The following PARP14 variants were observed in gnomAD, a reference collection of about 807,000 sequenced individuals.
PARP14 encodes poly(ADP-ribose) polymerase family member 14, also known as protein mono-ADP-ribosyltransferase PARP14.
Under a neutral mutation model 154.2 loss-of-function variants are expected in PARP14, and 59 were observed. That is an observed-to-expected ratio of 0.38 (90% CI 0.31 to 0.48). The LOEUF (loss-of-function observed/expected upper bound fraction) is 0.48. Ranked by LOEUF, PARP14 falls within the 20% of genes least tolerant of loss-of-function variation. The pLI is 0.98. For missense variants in PARP14, 1,734 were observed against 2,131.6 expected (o/e 0.81, Z 3.67); for synonymous variants, 720 against 780.5 (o/e 0.92, Z 1.29).
chr3:122,725,730 C>G (rs184632051), intron 15 of PARP14, among the ~76,000 whole-genome samples: 1 of 152,162 alleles, frequency 6.6e-6, no homozygotes, highest in Non-Finnish European at 1.5e-5. Flanking sequence ...TTTTCATCAT[C>G]CAGCCTGACA....
chr3:122,696,509 A>G (rs1938783351), intron 5 of PARP14, among the ~76,000 whole-genome samples: 1 of 152,214 alleles, frequency 6.6e-6, no homozygotes, highest in Non-Finnish European at 1.5e-5. Flanking sequence ...AAGACCTACT[A>G]TTCCTTGGGC....
chr3:122,708,211 A>G lies in PARP14; in HGVS notation c.3562A>G (p.Arg1188Gly). The G allele has an allele frequency of 6.4e-7, 1 of 1,568,400 alleles. No individual in the cohort carries two copies. Among genetic ancestry groups the G allele is most frequent in the Non-Finnish European group, 8.7e-7 (1 of 1,152,470 alleles). Residue 1188 changes from arginine (R) to glycine (G), a missense_variant, in exon 9 of 17, where the codon AGA becomes GGA. By Grantham distance (125) the Arg-to-Gly change is moderately radical. Around this residue, in one of 2 missense-constraint regions of PARP14, gnomAD observed 1,646 missense variants for 1,976.0 expected, o/e 0.83. Coordinates refer to ENST00000474629, the MANE Select transcript of PARP14 (RefSeq NM_017554.3). ...TCAGGCATTTTCAGATGAATTTGCC[A>G]GAAGGGCTAATGGAAATCTCGTCAG... is the stretch of plus-strand genomic sequence containing the variant. ...NIQAFSDEFA[R>G]RANGNLVSDK...
chr3:122,714,526 C>T (rs1932937225), intron 12 of PARP14, 97 bp downstream of exon 12: 1 of 876,524 alleles, frequency 1.1e-6, no homozygotes. Flanking sequence ...GAGTCTGACC[C>T]AGGGCAGCAA....
intron 12 of PARP14, among the ~76,000 whole-genome samples, chr3:122,717,618 C>A (rs1220459691): frequency 1.3e-5 from 2 of 152,222 alleles, no homozygotes; most frequent in African/African-American, 4.8e-5. Context: ...AGGATACATA[C>A]ATAAAATCAA....
intron 9 of PARP14, among the ~76,000 whole-genome samples, chr3:122,711,609 G>A (rs533012314): frequency 2.6e-5 from 4 of 152,006 alleles, no homozygotes; most frequent in Non-Finnish European, 5.9e-5. Context: ...GACTGATTTA[G>A]GGAGGATTTC....
chr3:122,693,152 C>G (rs1938594929), intron 4 of PARP14, among the ~76,000 whole-genome samples: 1 of 152,208 alleles, frequency 6.6e-6, no homozygotes, highest in Non-Finnish European at 1.5e-5. Context: ...CTACACCTGT[C>G]CTCTTACCTC....
chr3:122,702,701 T>C (rs72966337), intron 6 of PARP14, among the ~76,000 whole-genome samples: 6,592 of 152,198 alleles, frequency 0.043, 450 homozygotes, highest in African/African-American at 0.14. Flanking sequence ...CTCTTAACCA[T>C]TGCACTCTTT....
chr3:122,690,996 G>C (rs969676735), intron 3 of PARP14, among the ~76,000 whole-genome samples: 1 of 152,110 alleles, frequency 6.6e-6, no homozygotes, highest in African/African-American at 2.4e-5. Flanking sequence ...TCATATTAAG[G>C]ATATTTATAT....
chr3:122,707,642 A>T (rs1939202080), intron 8 of PARP14, among the ~76,000 whole-genome samples: 1 of 151,638 alleles, frequency 6.6e-6, no homozygotes, highest in African/African-American at 2.4e-5. Context: ...CACAAAAAAC[A>T]AAAAACGTAG....
rs1406087229 is a variant in PARP14, at chr3:122,685,315, A to G, written c.318A>G (p.Thr106=). 6.2e-7 allele frequency: 1 copy of G among 1,613,594 alleles called. No individual in the cohort carries two copies. The highest frequency in any genetic ancestry group is 8.5e-7 in the Non-Finnish European group (1 of 1,179,790). Residue 106 remains threonine, a synonymous_variant, in exon 2 of 17, where the codon ACA becomes ACG. Coordinates refer to ENST00000474629, the MANE Select transcript of PARP14 (RefSeq NM_017554.3). The part of the protein sequence containing the change: ...IDHVFEEELL[T]KESKTKEDVK... The stretch of plus-strand genomic sequence containing the variant: ...ATGTCTTTGAAGAGGAACTTCTAAC[A>G]AAAGCAAGTAAACTTTAGGCATGAA...
chr3:122,720,653 A>G, intron 15 of PARP14: 1 of 504,354 alleles, frequency 2.0e-6, no homozygotes, highest in Middle Eastern at 3.0e-4. Flanking sequence ...AGCTAATACA[A>G]ATTCAAAGAT....
At chr3:122,723,265 T>A (rs1442410841) in intron 15 of PARP14, among the ~76,000 whole-genome samples, 2 of 152,166 alleles carry the variant, frequency 1.3e-5, no homozygotes, top group African/African-American at 4.8e-5. Context: ...ATTTTTCCAG[T>A]TGTTCAAAAA....
chr3:122,724,199 C>G (rs1257599957), intron 15 of PARP14, among the ~76,000 whole-genome samples: 1 of 152,074 alleles, frequency 6.6e-6, no homozygotes, highest in Non-Finnish European at 1.5e-5. Context: ...AGTGAGAAAC[C>G]AAAAGTCGTG....
intron 15 of PARP14, chr3:122,720,706 G>C: frequency 2.2e-6 from 1 of 448,574 alleles, no homozygotes; most frequent in South Asian, 1.7e-5. Context: ...ATTCCACAGA[G>C]AGCCATGCAG....
chr3:122,725,553 TATC>T (rs1235147669), intron 15 of PARP14, among the ~76,000 whole-genome samples: 2 of 152,204 alleles, frequency 1.3e-5, no homozygotes, highest in East Asian at 3.8e-4. Context: ...GTTTCAAAAT[TATC>T]ATACCAAAAT....
intron 4 of PARP14, 21 bp from the exon 5 acceptor site, chr3:122,695,405 C>CTTT: frequency 1.1e-6 from 1 of 919,420 alleles, no homozygotes; most frequent in Non-Finnish European, 1.6e-6. Flanking sequence ...GATTTTCTTT[C>CTTT]TTTTTTTTTT....
At position 122,703,745 on chromosome 3, in the gene PARP14, G is replaced by A. The variant is rs367885312; in HGVS notation, c.3085G>A (p.Asp1029Asn). 65 of 1,579,896 alleles carry A rather than the reference G, an allele frequency of 4.1e-5. 1 individual carries two copies. The Admixed American group carries it at 1.1e-3, about 26-fold the overall frequency. The change falls in exon 7 of 17, where the codon GAT becomes AAT. Residue 1029 changes from aspartate to asparagine, a missense_variant. Coordinates refer to ENST00000474629, the MANE Select transcript of PARP14 (RefSeq NM_017554.3). ...VKEGVQNAKT[D>N]VVVNSVPLDL... ...AATTTTTGGTTTTGTCTTTAAGACC[G>A]ATGTTGTTGTCAACTCCGTTCCCTT...
intron 4 of PARP14, 68 bp downstream of exon 4, chr3:122,692,611 TA>T: frequency 1.5e-6 from 2 of 1,317,938 alleles, no homozygotes; most frequent in Non-Finnish European, 2.1e-6. Flanking sequence ...AGATACCTCT[TA>T]GGGGGACATC....
intron 12 of PARP14, among the ~76,000 whole-genome samples, chr3:122,716,359 C>T (rs899644982): frequency 3.9e-5 from 6 of 152,124 alleles, no homozygotes; most frequent in Admixed American, 2.6e-4. Context: ...TTCGTCACTC[C>T]GATCTTCATT....
Sources: gnomAD v4.1 joint callset for allele counts (sites outside exome capture counted in the v4.1 genomes callset) on GRCh38, gnomAD v4.1.1 for gene constraint, gnomAD v4.1.1 regional missense constraint, MANE v1.5 for transcripts, NCBI Gene and HGNC (gene_info 2026-07-23, HGNC 2026-07-21) for gene names.